Variants in ACYP2 observed in about 807,000 individuals in gnomAD.
ACYP2 encodes acylphosphatase-2.
Under a neutral mutation model 11.2 loss-of-function variants are expected in ACYP2, and 12 were observed. That is an observed-to-expected ratio of 1.08 (90% CI 0.69 to 1.74). The LOEUF (loss-of-function observed/expected upper bound fraction) is 1.74, where lower values mean the gene tolerates loss of function less well. Among genes scored for constraint, ACYP2 ranks in the 40% most tolerant of loss-of-function variants. The probability of loss-of-function intolerance (pLI) is 0.00; values close to 1 mark genes in which losing one functional copy is unlikely to be tolerated. For synonymous variants in ACYP2, 43 were observed against 32.2 expected (o/e 1.33, Z -1.13); for missense variants, 134 against 101.9 (o/e 1.31, Z -1.35).
intron 1 of ACYP2, among the ~76,000 whole-genome samples, chr2:53,972,037 C>T (rs1671160302): frequency 6.6e-6 from 1 of 152,178 alleles, no homozygotes; most frequent in South Asian, 2.1e-4. Context: ...CGGCCGGGCG[C>T]AGTGGCTCAC....
chr2:54,222,592 T>C (rs1213725440), intron 6 of ACYP2, among the ~76,000 whole-genome samples: 1 of 151,758 alleles, frequency 6.6e-6, no homozygotes, highest in Non-Finnish European at 1.5e-5. Flanking sequence ...TTACCTAACA[T>C]TTGTTGGTGT....
intron 5 of ACYP2, among the ~76,000 whole-genome samples, chr2:54,137,518 G>A (rs929656388): frequency 5.9e-5 from 9 of 152,048 alleles, no homozygotes; most frequent in East Asian, 1.9e-4. Flanking sequence ...CCACTTCTAC[G>A]TGAGAACATG....
intron 6 of ACYP2, among the ~76,000 whole-genome samples, chr2:54,272,797 G>T (rs1223931763): frequency 6.6e-6 from 1 of 152,230 alleles, no homozygotes; most frequent in East Asian, 1.9e-4. Flanking sequence ...CAGAATGAAT[G>T]AATGAATGAG....
intron 2 of ACYP2, among the ~76,000 whole-genome samples, chr2:53,998,081 C>T (rs1334660567): frequency 2.0e-5 from 3 of 152,130 alleles, no homozygotes; most frequent in Admixed American, 2.0e-4. Context: ...ATCTGAGTTT[C>T]AAGGGGTCTG....
chr2:54,185,427 G>A (rs909490849), intron 6 of ACYP2, among the ~76,000 whole-genome samples: 1 of 152,130 alleles, frequency 6.6e-6, no homozygotes, highest in African/African-American at 2.4e-5. Flanking sequence ...GGTATTGAGG[G>A]CCATTGTTTT....
intron 6 of ACYP2, among the ~76,000 whole-genome samples, chr2:54,233,755 T>A (rs1453782047): frequency 6.6e-6 from 1 of 152,218 alleles, no homozygotes; most frequent in African/African-American, 2.4e-5. Flanking sequence ...ATTTCTGAAA[T>A]AAACCAGTTT....
chr2:54,161,133 A>G (rs902450648), intron 6 of ACYP2, among the ~76,000 whole-genome samples: 1 of 152,192 alleles, frequency 6.6e-6, no homozygotes, highest in Non-Finnish European at 1.5e-5. Context: ...TGTGATCCAC[A>G]TGAAAGCTTC....
intron 4 of ACYP2, among the ~76,000 whole-genome samples, chr2:54,126,427 C>G (rs1680508975): frequency 6.6e-6 from 1 of 152,116 alleles, no homozygotes; most frequent in Non-Finnish European, 1.5e-5. Context: ...CGGATCACCA[C>G]TGTATATGCA....
chr2:54,200,931 T>G (rs539129515), intron 6 of ACYP2, among the ~76,000 whole-genome samples: 2 of 152,320 alleles, frequency 1.3e-5, no homozygotes, highest in East Asian at 3.9e-4. Context: ...ATTTTGTCTT[T>G]TTTATTATAA....
intron 2 of ACYP2, among the ~76,000 whole-genome samples, chr2:54,046,658 A>G (rs1675541530): frequency 6.6e-6 from 1 of 152,184 alleles, no homozygotes; most frequent in Non-Finnish European, 1.5e-5. Context: ...GGAAAGTGAT[A>G]TGAACAAAAG....
At chr2:54,125,325 G>A (rs980674130) in intron 4 of ACYP2, among the ~76,000 whole-genome samples, 8 of 152,012 alleles carry the variant, frequency 5.3e-5, no homozygotes, top group African/African-American at 1.9e-4. Context: ...AATTCCAAAC[G>A]CCATAATCTT....
In ACYP2 at chr2:54,050,996, C is replaced by T. The variant is rs766467449; in HGVS notation, c.101C>T (p.Thr34Ile). 20 of 450,286 alleles carry T rather than the reference C, an allele frequency of 4.4e-5. No homozygotes were observed. Among genetic ancestry groups the T allele is most frequent in the Non-Finnish European group, 4.3e-5 (11 of 258,054 alleles). The allele number at this position is 450,286 out of a possible 1,614,324, so 27.9% of individuals were successfully genotyped here. The change falls in exon 3 of 7, where the codon ACT becomes ATT. Residue 34 changes from threonine to isoleucine, a missense_variant. Transcript: ENST00000607452. The stretch of plus-strand genomic sequence containing the variant: ...CTGTTCTACCTAGGCTGTTCTAGAA[C>T]TCCTAATGTCAAGCTATCCTCCTGC...
At chr2:54,274,096 A>G (rs1241764262) in intron 6 of ACYP2, among the ~76,000 whole-genome samples, 1 of 152,234 alleles carries the variant, frequency 6.6e-6, no homozygotes, top group Non-Finnish European at 1.5e-5. Context: ...AAAGAGGTTT[A>G]TAATGGACTT....
chr2:53,986,512 T>C (rs186176002), intron 2 of ACYP2, among the ~76,000 whole-genome samples: 56 of 151,666 alleles, frequency 3.7e-4, no homozygotes, highest in Admixed American at 5.9e-4. Flanking sequence ...AATTTGTGTA[T>C]TTTTAGTAGA....
At chr2:54,043,226 T>C (rs1675340062) in intron 2 of ACYP2, among the ~76,000 whole-genome samples, 1 of 152,200 alleles carries the variant, frequency 6.6e-6, no homozygotes, top group Non-Finnish European at 1.5e-5. Context: ...AAGTATAATA[T>C]ATCTTATTCT....
At chr2:54,146,801 T>C (rs1296245671) in intron 6 of ACYP2, among the ~76,000 whole-genome samples, 1 of 146,956 alleles carries the variant, frequency 6.8e-6, no homozygotes, top group Non-Finnish European at 1.5e-5. Context: ...CATTGTCTCT[T>C]TTTTTTTTTT....
intron 6 of ACYP2, among the ~76,000 whole-genome samples, chr2:54,215,215 T>C (rs747401649): frequency 1.3e-5 from 2 of 152,190 alleles, no homozygotes; most frequent in Non-Finnish European, 2.9e-5. Flanking sequence ...TGACTTCCTC[T>C]CCTCCTGTTT....
chr2:54,075,897 G>T (rs1281863177), intron 4 of ACYP2, among the ~76,000 whole-genome samples: 4 of 151,940 alleles, frequency 2.6e-5, no homozygotes, highest in African/African-American at 7.3e-5. Context: ...ATAACTAAAG[G>T]TTATAAAATA....
intron 6 of ACYP2, among the ~76,000 whole-genome samples, chr2:54,150,203 G>A (rs1188647944): frequency 6.6e-6 from 1 of 152,180 alleles, no homozygotes; most frequent in Non-Finnish European, 1.5e-5. Context: ...GACTGCTTTT[G>A]TGGTACATGG....
Sources: allele counts gnomAD v4.1 joint callset (sites outside exome capture counted in the v4.1 genomes callset), GRCh38; gene constraint gnomAD v4.1.1; transcripts MANE v1.5; gene names NCBI Gene and HGNC (gene_info 2026-07-23, HGNC 2026-07-21).